The following MAGI1 variants were observed in gnomAD, a reference collection of about 807,000 sequenced individuals.
The protein encoded by MAGI1 is membrane associated guanylate kinase, WW and PDZ domain containing 1, also known as membrane-associated guanylate kinase, WW and PDZ domain-containing protein 1.
MAGI1 carries 58 observed loss-of-function variants against 139.9 expected under a neutral mutation model. The ratio of observed to expected loss-of-function variants is 0.41; its 90% CI spans 0.34 to 0.52. MAGI1 has a LOEUF of 0.52. Among genes scored for constraint, MAGI1 ranks in the 20% least tolerant of loss-of-function variants. The probability of loss-of-function intolerance (pLI) is 0.12; values close to 1 mark genes in which losing one functional copy is unlikely to be tolerated. For synonymous variants in MAGI1, 812 were observed against 737.9 expected, an observed-to-expected ratio of 1.10 and a Z score of -1.63; for missense variants, 1,874 against 1,901.6, an observed-to-expected ratio of 0.99 and a Z score of 0.27.
At chr3:65,935,595 G>C (rs2063012777) in intron 1 of MAGI1, among the ~76,000 whole-genome samples, 2 of 151,754 alleles carry the variant, frequency 1.3e-5, no homozygotes, top group Non-Finnish European at 2.9e-5. Flanking sequence ...GCACTCCAGA[G>C]TGGGCAATAG....
intron 1 of MAGI1, among the ~76,000 whole-genome samples, chr3:65,948,376 T>A (rs1029884299): frequency 5.9e-5 from 9 of 152,228 alleles, no homozygotes; most frequent in Non-Finnish European, 1.3e-4. Flanking sequence ...TGCCTTTTCT[T>A]TGAGACTTTC....
At chr3:65,699,676 A>G (rs1034672532) in intron 1 of MAGI1, among the ~76,000 whole-genome samples, 7 of 141,016 alleles carry the variant, frequency 5.0e-5, no homozygotes, top group African/African-American at 1.9e-4. Context: ...GAATTGAACA[A>G]TGAGATCACA....
At chr3:65,608,318 G>C (rs1283243039) in intron 2 of MAGI1, among the ~76,000 whole-genome samples, 1 of 152,102 alleles carries the variant, frequency 6.6e-6, no homozygotes, top group Non-Finnish European at 1.5e-5. Context: ...GCAGGTGCCT[G>C]TAATCCCAGC....
chr3:65,581,310 T>C (rs1298990425), intron 2 of MAGI1, among the ~76,000 whole-genome samples: 1 of 151,820 alleles, frequency 6.6e-6, no homozygotes, highest in Non-Finnish European at 1.5e-5. Context: ...ATCACAGAAA[T>C]GTACATGAAT....
chr3:65,419,094 C>T (rs1480570986), intron 12 of MAGI1, among the ~76,000 whole-genome samples: 6 of 152,082 alleles, frequency 3.9e-5, no homozygotes, highest in African/African-American at 1.4e-4. Flanking sequence ...ACTTTTTCTC[C>T]CTCCTTCCTG....
At chr3:65,360,213 A>G in intron 22 of MAGI1, 1 of 985,372 alleles carries the variant, frequency 1.0e-6, no homozygotes, top group Non-Finnish European at 1.2e-6. Flanking sequence ...AATGACTTTC[A>G]GAAAAGAGGG....
chr3:65,883,529 T>C (rs2060416726), intron 1 of MAGI1, among the ~76,000 whole-genome samples: 1 of 152,226 alleles, frequency 6.6e-6, no homozygotes, highest in Non-Finnish European at 1.5e-5. Context: ...ACTGGCAATT[T>C]GCTATGAGAT....
intron 3 of MAGI1, among the ~76,000 whole-genome samples, chr3:65,488,293 T>C (rs1443045819): frequency 3.3e-5 from 5 of 152,214 alleles, no homozygotes; most frequent in Non-Finnish European, 7.3e-5. Flanking sequence ...TATAAGCTTC[T>C]GGAGCGCTGT....
chr3:65,950,059 C>A (rs7433549), intron 1 of MAGI1, among the ~76,000 whole-genome samples: 799 of 12,968 alleles, frequency 0.062, 3 homozygotes, highest in African/African-American at 0.1. Context: ...AAAAAAAAAA[C>A]AAAAAAACAA....
intron 8 of MAGI1, among the ~76,000 whole-genome samples, chr3:65,440,725 G>A (rs1277370796): frequency 1.3e-5 from 2 of 151,994 alleles, no homozygotes. Context: ...AACCTAAGTA[G>A]ATGTGATGTG....
intron 1 of MAGI1, among the ~76,000 whole-genome samples, chr3:65,829,620 G>T (rs2042418525): frequency 6.6e-6 from 1 of 152,150 alleles, no homozygotes; most frequent in Non-Finnish European, 1.5e-5. Context: ...AAGGTATTTT[G>T]TTATAGCAGC....
intron 1 of MAGI1, among the ~76,000 whole-genome samples, chr3:65,804,378 A>G (rs2040708735): frequency 6.6e-6 from 1 of 151,712 alleles, no homozygotes; most frequent in Non-Finnish European, 1.5e-5. Flanking sequence ...ATATCAATAA[A>G]TTGATATAAA....
intron 1 of MAGI1, among the ~76,000 whole-genome samples, chr3:65,647,829 A>T (rs2085347581): frequency 6.6e-6 from 1 of 152,184 alleles, no homozygotes; most frequent in African/African-American, 2.4e-5. Context: ...CCAAAACCCT[A>T]CATCTGACGT....
At chr3:65,906,863 G>A (rs1465583419) in intron 1 of MAGI1, among the ~76,000 whole-genome samples, 1 of 150,118 alleles carries the variant, frequency 6.7e-6, no homozygotes, top group African/African-American at 2.5e-5. Context: ...TACAGCCTGG[G>A]CAACAGAGCA....
rs549520544 is a variant in MAGI1 at position 65,437,141 on chromosome 3, G to C, written c.1363+14C>G. On this transcript the variant is annotated intron_variant, in intron 10 of 22. Transcript: ENST00000402939. ...GCTAAAACCATGACACAATTAGAAAGACAAGTACTTTACCCTGAAGTGGAA... is the reference window on the plus strand; with the variant it reads ...GCTAAAACCATGACACAATTAGAAACACAAGTACTTTACCCTGAAGTGGAA... 1 of 1,561,838 alleles carries C rather than the reference G, an allele frequency of 6.4e-7. No homozygotes were observed. Among genetic ancestry groups the C allele is most frequent in the South Asian group, 1.1e-5 (1 of 87,122 alleles).
chr3:65,692,973 C>G (rs1480675543), intron 1 of MAGI1, among the ~76,000 whole-genome samples: 1 of 152,022 alleles, frequency 6.6e-6, no homozygotes, highest in Non-Finnish European at 1.5e-5. Context: ...GCTCTGTTGC[C>G]CAGACTGGAT....
rs191430445 is a variant in MAGI1, at chr3:65,714,663, T to C, written c.314-92575A>G. On this transcript the variant is annotated intron_variant, in intron 1 of 22. Transcript: ENST00000402939. ...AGGGTTAAAAAAAACCGAAGCCTGATACTGTCTCTTAAGAATCATCAGTGA... is the reference window on the plus strand; with the variant it reads ...AGGGTTAAAAAAAACCGAAGCCTGACACTGTCTCTTAAGAATCATCAGTGA... Among the ~76,000 whole-genome samples the C allele has an allele frequency of 2.4e-4, 36 of 152,232 alleles. 2 individuals carry two copies. The South Asian group carries it at 5.4e-3, about 23-fold the overall frequency.
At chr3:65,962,122 A>AT (rs567359350) in intron 1 of MAGI1, among the ~76,000 whole-genome samples, 3,007 of 122,480 alleles carry the variant, frequency 0.025, 82 homozygotes, top group Middle Eastern at 0.053. Flanking sequence ...ATCTGATTGT[A>AT]TTTTTTTTTT....
At chr3:65,389,699 C>T (rs1943746712) in intron 14 of MAGI1, among the ~76,000 whole-genome samples, 1 of 152,212 alleles carries the variant, frequency 6.6e-6, no homozygotes, top group Non-Finnish European at 1.5e-5. Context: ...AATGGAACTT[C>T]ATTTCCTTTA....
Sources: allele counts gnomAD v4.1 joint callset (sites outside exome capture counted in the v4.1 genomes callset), GRCh38; gene constraint gnomAD v4.1.1; transcripts MANE v1.5; gene names NCBI Gene and HGNC (gene_info 2026-07-23, HGNC 2026-07-21).